The following FYB1 variants were observed in gnomAD, a reference collection of about 807,000 sequenced individuals.
The protein encoded by FYB1 is FYN binding protein 1, also known as FYN-binding protein 1.
Under a neutral mutation model 94.1 loss-of-function variants are expected in FYB1, and 41 were observed. The observed-to-expected ratio is 0.44, with a 90% CI of 0.34 to 0.57. FYB1 has a LOEUF of 0.57. FYB1 is among the 20% of genes least tolerant of loss of function. FYB1 has a pLI of 0.02. For missense variants in FYB1, 1,050 were observed against 976.8 expected, an observed-to-expected ratio of 1.07 and a Z score of -1.00; for synonymous variants, 367 against 353.2, an observed-to-expected ratio of 1.04 and a Z score of -0.44.
At chr5:39,200,703 C>A (rs1748232009) in intron 2 of FYB1, among the ~76,000 whole-genome samples, 1 of 152,116 alleles carries the variant, frequency 6.6e-6, no homozygotes, top group African/African-American at 2.4e-5. Flanking sequence ...TGTTTACGAA[C>A]AAGGAGAATA....
chr5:39,182,402 C>T (rs1274982081), intron 2 of FYB1, among the ~76,000 whole-genome samples: 1 of 151,826 alleles, frequency 6.6e-6, no homozygotes, highest in Non-Finnish European at 1.5e-5. Flanking sequence ...TTTGAGGAAG[C>T]TCCCAGAGGT....
chr5:39,134,919 A>G lies in FYB1; in HGVS notation c.1611T>C (p.Ile537=). The part of the protein sequence containing the change: ...NELSFKQGEQ[I]EIIRITDNPE... Reference sequence around the variant, plus strand: ...GGTTGTCTGTGATGCGGATGATTTCAATTTGCTCTCCTTGCTTGAAGCTCA... The same window carrying G: ...GGTTGTCTGTGATGCGGATGATTTCGATTTGCTCTCCTTGCTTGAAGCTCA... Residue 537 remains isoleucine, a synonymous_variant, in exon 8 of 19, where the codon ATT becomes ATC. Transcript: ENST00000512982. The G allele has an allele frequency of 6.2e-7, 1 of 1,613,948 alleles. No homozygotes were observed. Among genetic ancestry groups the G allele is most frequent in the Non-Finnish European group, 8.5e-7 (1 of 1,179,856 alleles).
chr5:39,218,963 A>G lies in FYB1; in HGVS notation c.-28+480T>C, dbSNP rs145316223. Reference sequence around the variant, plus strand: ...GCAGTATAGTCCCTTTCTTTAGTCTATGTAGAAATCTCATGTGAATCCTCA... The same window carrying G: ...GCAGTATAGTCCCTTTCTTTAGTCTGTGTAGAAATCTCATGTGAATCCTCA... On this transcript the variant is annotated intron_variant, in intron 1 of 18. Transcript: ENST00000512982. 4.6e-5 allele frequency among the ~76,000 whole-genome samples: 7 copies of G among 152,274 alleles called. No individual in the cohort carries two copies. The East Asian group carries it at 9.6e-4, about 21-fold the overall frequency.
intron 17 of FYB1, among the ~76,000 whole-genome samples, chr5:39,109,284 A>C (rs1185026648): frequency 3.9e-5 from 6 of 152,024 alleles, no homozygotes; most frequent in African/African-American, 1.4e-4. Context: ...AAATGCGAGC[A>C]GGACAGGTTT....
chr5:39,179,804 C>T (rs1348391830), intron 2 of FYB1, among the ~76,000 whole-genome samples: 1 of 152,056 alleles, frequency 6.6e-6, no homozygotes, highest in Non-Finnish European at 1.5e-5. Context: ...TTACTTCTCT[C>T]CAGGGGCCTG....
At chr5:39,261,734 G>A (rs1276759517) in intron 1 of FYB1, among the ~76,000 whole-genome samples, 2 of 151,840 alleles carry the variant, frequency 1.3e-5, no homozygotes, top group South Asian at 2.1e-4. Flanking sequence ...GCAACAAGGC[G>A]AGACTCTGTC....
Position 39,201,748 on chromosome 5 carries a change from C to T in FYB1, c.1135+78G>A, listed in dbSNP as rs1748329818. 5 of 1,315,754 alleles carry T rather than the reference C, an allele frequency of 3.8e-6. No homozygotes were observed. The East Asian group carries it at 9.5e-5, about 25-fold the overall frequency. 81.5% of individuals were successfully genotyped at this position (1,315,754 alleles called of 1,614,324 possible). ...AGATATAGAGAATCATTCCTTGTTACAAAACTTTCCCCAGAAGCTAAAACA... is the reference window on the plus strand; with the variant it reads ...AGATATAGAGAATCATTCCTTGTTATAAAACTTTCCCCAGAAGCTAAAACA... On this transcript the variant is annotated intron_variant, in intron 2 of 18. Coordinates refer to ENST00000512982, the MANE Select transcript of FYB1 (RefSeq NM_001465.6).
At chr5:39,257,979 C>T (rs1434801207) in intron 1 of FYB1, among the ~76,000 whole-genome samples, 1 of 152,158 alleles carries the variant, frequency 6.6e-6, no homozygotes, top group Non-Finnish European at 1.5e-5. Context: ...AGATCTCAAA[C>T]TTGAGCGTGC....
chr5:39,208,502 T>C (rs1749057609), intron 1 of FYB1, among the ~76,000 whole-genome samples: 1 of 151,870 alleles, frequency 6.6e-6, no homozygotes, highest in Non-Finnish European at 1.5e-5. Context: ...TTGTTACCCA[T>C]GACTTACTTA....
intron 2 of FYB1, among the ~76,000 whole-genome samples, chr5:39,179,408 AT>A (rs1232122872): frequency 6.6e-6 from 1 of 152,090 alleles, no homozygotes; most frequent in East Asian, 1.9e-4. Flanking sequence ...AATCTTTTCC[AT>A]TTTCAGGAGT....
At chr5:39,258,699 A>G (rs1752080612) in intron 1 of FYB1, among the ~76,000 whole-genome samples, 1 of 152,216 alleles carries the variant, frequency 6.6e-6, no homozygotes, top group Non-Finnish European at 1.5e-5. Context: ...AGAGCAATCA[A>G]CTTCTGGTTA....
chr5:39,273,167 C>T (rs929037798), intron 1 of FYB1, among the ~76,000 whole-genome samples: 3 of 152,082 alleles, frequency 2.0e-5, no homozygotes, highest in Non-Finnish European at 2.9e-5. Context: ...TGAGAACGGG[C>T]CATGATGACA....
At chr5:39,220,530 C>A (rs1446620172), upstream of FYB1, among the ~76,000 whole-genome samples, 3 of 150,956 alleles carry the variant, frequency 2.0e-5, no homozygotes, top group South Asian at 2.1e-4. Flanking sequence ...AGAAAAGAAA[C>A]CCCCCAAAAC....
chr5:39,177,160 A>G (rs1745806965), intron 2 of FYB1, among the ~76,000 whole-genome samples: 1 of 152,194 alleles, frequency 6.6e-6, no homozygotes, highest in Non-Finnish European at 1.5e-5. Context: ...ACCATCCTGA[A>G]TTTAGTAACA....
At chr5:39,132,782 G>A (rs1330623802) in intron 9 of FYB1, among the ~76,000 whole-genome samples, 13 of 152,082 alleles carry the variant, frequency 8.5e-5, no homozygotes. Context: ...CAAAAATTAA[G>A]GGAGTGTGCT....
At chr5:39,148,651 CTAAT>C (rs1742989788) in intron 3 of FYB1, among the ~76,000 whole-genome samples, 1 of 151,842 alleles carries the variant, frequency 6.6e-6, no homozygotes, top group Admixed American at 6.6e-5. Context: ...TTAAGCATCT[CTAAT>C]TAATGAAAAG....
At chr5:39,199,522 T>C (rs918550125) in intron 2 of FYB1, among the ~76,000 whole-genome samples, 1 of 152,208 alleles carries the variant, frequency 6.6e-6, no homozygotes, top group African/African-American at 2.4e-5. Context: ...TGAAGTATTA[T>C]GCAACTCTAG....
chr5:39,116,663 G>T (rs956252148), intron 16 of FYB1, among the ~76,000 whole-genome samples: 2 of 152,038 alleles, frequency 1.3e-5, no homozygotes, highest in Non-Finnish European at 2.9e-5. Flanking sequence ...CACTGGTGCC[G>T]TATCTATTCC....
At chr5:39,227,778 GA>G (rs1750545354) in intron 1 of FYB1, among the ~76,000 whole-genome samples, 1 of 152,128 alleles carries the variant, frequency 6.6e-6, no homozygotes. Flanking sequence ...ATCCATGGAA[GA>G]AAAAATTTCA....
Sources: allele counts gnomAD v4.1 joint callset (sites outside exome capture counted in the v4.1 genomes callset), GRCh38; gene constraint gnomAD v4.1.1; transcripts MANE v1.5; gene names NCBI Gene and HGNC (gene_info 2026-07-23, HGNC 2026-07-21).